EDIL3: variants seen among roughly 807,000 people sequenced by gnomAD.
The protein encoded by EDIL3 is EGF-like repeat and discoidin I-like domain-containing protein 3.
Under a neutral mutation model 67.4 loss-of-function variants are expected in EDIL3, and 37 were observed. That is an observed-to-expected ratio of 0.55 (90% CI 0.42 to 0.72). The LOEUF is 0.72. Among genes scored for constraint, EDIL3 ranks in the 30% least tolerant of loss-of-function variants. EDIL3 has a pLI of 0.00. For synonymous variants in EDIL3, 195 were observed against 196.3 expected (o/e 0.99, Z 0.05); for missense variants, 527 against 586.3 (o/e 0.90, Z 1.04).
chr5:84,102,112 T>C (rs1211513224), intron 6 of EDIL3, among the ~76,000 whole-genome samples: 1 of 151,994 alleles, frequency 6.6e-6, no homozygotes, highest in East Asian at 1.9e-4. Flanking sequence ...TCCAATAAAA[T>C]TTAACACCTC....
At chr5:84,204,359 T>A (rs968795180) in intron 3 of EDIL3, among the ~76,000 whole-genome samples, 2 of 152,194 alleles carry the variant, frequency 1.3e-5, no homozygotes, top group East Asian at 3.9e-4. Context: ...CTGATTATAA[T>A]TAGCACAGAT....
chr5:84,117,410 A>G (rs1351845060), intron 5 of EDIL3, among the ~76,000 whole-genome samples: 1 of 152,152 alleles, frequency 6.6e-6, no homozygotes, highest in African/African-American at 2.4e-5. Context: ...ATACATACAT[A>G]CATACTAAAA....
In EDIL3 at chr5:84,169,586, C is replaced by A. The variant is rs374398473; in HGVS notation, c.355+10807G>T. Among the ~76,000 whole-genome samples, 27 of 151,058 alleles carry A rather than the reference C, an allele frequency of 1.8e-4. No homozygotes were observed. The South Asian group carries it at 5.1e-3, about 28-fold the overall frequency. On this transcript the variant is annotated intron_variant, in intron 4 of 10. Coordinates refer to ENST00000296591, the MANE Select transcript of EDIL3 (RefSeq NM_005711.5). ...ATCTGGAAACCACTAATCTATCCTC[C>A]ATTTCTAAAACTTTGTCATTTCAAA...
intron 10 of EDIL3, among the ~76,000 whole-genome samples, chr5:83,954,144 T>C (rs1744466840): frequency 6.6e-6 from 1 of 151,790 alleles, no homozygotes; most frequent in South Asian, 2.1e-4. Context: ...TGATGGTGGA[T>C]AGTAAAAATG....
At chr5:84,056,616 T>C (rs971225412) in intron 9 of EDIL3, among the ~76,000 whole-genome samples, 6 of 152,118 alleles carry the variant, frequency 3.9e-5, no homozygotes, top group Non-Finnish European at 8.8e-5. Flanking sequence ...AGATATCTGA[T>C]TAGGTTTTAG....
At chr5:83,999,916 C>T (rs1033547634) in intron 9 of EDIL3, among the ~76,000 whole-genome samples, 1 of 151,654 alleles carries the variant, frequency 6.6e-6, no homozygotes, top group African/African-American at 2.4e-5. Context: ...AAACAACACA[C>T]AGTGGAGCTC....
intron 1 of EDIL3, among the ~76,000 whole-genome samples, chr5:84,316,565 C>T (rs1455130434): frequency 3.3e-5 from 5 of 152,030 alleles, no homozygotes; most frequent in Non-Finnish European, 7.4e-5. Context: ...GCTAACTATC[C>T]TAAATATATA....
chr5:84,122,634 A>G (rs1747798767), intron 5 of EDIL3, among the ~76,000 whole-genome samples: 1 of 151,810 alleles, frequency 6.6e-6, no homozygotes, highest in Non-Finnish European at 1.5e-5. Context: ...GTCATGATAA[A>G]CATTGTAATG....
At chr5:84,072,273 G>C (rs1746753387) in intron 6 of EDIL3, among the ~76,000 whole-genome samples, 1 of 151,980 alleles carries the variant, frequency 6.6e-6, no homozygotes, top group African/African-American at 2.4e-5. Flanking sequence ...CATATTGATA[G>C]ATAAAACACA....
chr5:83,962,358 T>C (rs962019485), intron 10 of EDIL3, among the ~76,000 whole-genome samples: 1 of 151,446 alleles, frequency 6.6e-6, no homozygotes, highest in South Asian at 2.1e-4. Context: ...CCTTGCACAG[T>C]GACTCTAAGC....
chr5:84,028,728 T>C (rs1329899337), intron 9 of EDIL3, among the ~76,000 whole-genome samples: 1 of 152,104 alleles, frequency 6.6e-6, no homozygotes, highest in African/African-American at 2.4e-5. Context: ...CATGTATATA[T>C]TCATGTAAAC....
intron 10 of EDIL3, among the ~76,000 whole-genome samples, chr5:83,961,748 T>C (rs1436212857): frequency 6.6e-6 from 1 of 151,326 alleles, no homozygotes; most frequent in African/African-American, 2.4e-5. Flanking sequence ...AGTGAAATAG[T>C]TATTTGCAAT....
At chr5:84,150,713 T>C (rs1190435008) in intron 4 of EDIL3, among the ~76,000 whole-genome samples, 5 of 152,148 alleles carry the variant, frequency 3.3e-5, no homozygotes, top group Non-Finnish European at 7.4e-5. Context: ...GAAAACCATG[T>C]GACAGTTTTT....
intron 3 of EDIL3, among the ~76,000 whole-genome samples, chr5:84,221,690 C>G (rs559360913): frequency 6.6e-6 from 1 of 151,898 alleles, no homozygotes; most frequent in Non-Finnish European, 1.5e-5. Flanking sequence ...ATAATTACTT[C>G]TATCTCATTT....
chr5:84,296,719 A>G (rs910997794), intron 1 of EDIL3, among the ~76,000 whole-genome samples: 1 of 152,188 alleles, frequency 6.6e-6, no homozygotes, highest in South Asian at 2.1e-4. Flanking sequence ...CAACTTCATC[A>G]TAAAATCTCT....
chr5:84,270,374 A>G (rs1263985153), intron 1 of EDIL3, among the ~76,000 whole-genome samples: 1 of 152,208 alleles, frequency 6.6e-6, no homozygotes, highest in Non-Finnish European at 1.5e-5. Context: ...CATCAGACAT[A>G]CATTGCAGAT....
chr5:84,171,534 C>A (rs1025159682), intron 4 of EDIL3, among the ~76,000 whole-genome samples: 1 of 152,116 alleles, frequency 6.6e-6, no homozygotes, highest in African/African-American at 2.4e-5. Context: ...GAGCAGTAAG[C>A]TAATATATTT....
chr5:84,159,559 A>T (rs1748567149), intron 4 of EDIL3, among the ~76,000 whole-genome samples: 1 of 152,026 alleles, frequency 6.6e-6, no homozygotes, highest in Non-Finnish European at 1.5e-5. Context: ...TTGATCATAT[A>T]TCCCAGTAGT....
intron 1 of EDIL3, among the ~76,000 whole-genome samples, chr5:84,369,103 A>G (rs1375061117): frequency 3.9e-5 from 6 of 152,008 alleles, no homozygotes; most frequent in Non-Finnish European, 7.4e-5. Context: ...TCCAGCAATT[A>G]CATTTCTGGG....
Sources: gnomAD v4.1 joint callset for allele counts (sites outside exome capture counted in the v4.1 genomes callset) on GRCh38, gnomAD v4.1.1 for gene constraint, MANE v1.5 for transcripts, NCBI Gene and HGNC (gene_info 2026-07-23, HGNC 2026-07-21) for gene names.